FTSJ3: variants seen among roughly 807,000 people sequenced by gnomAD.
FTSJ3 encodes pre-rRNA 2'-O-ribose RNA methyltransferase FTSJ3.
A neutral mutation model predicts 111.5 loss-of-function variants in FTSJ3; 46 were observed. That is an observed-to-expected ratio of 0.41 (90% CI 0.33 to 0.53). The LOEUF is 0.53. Ranked by LOEUF, FTSJ3 falls within the 20% of genes least tolerant of loss-of-function variation. The pLI is 0.19. For synonymous variants in FTSJ3, 408 were observed against 383.0 expected (o/e 1.07, Z -0.76); for missense variants, 1,075 against 1,063.8 (o/e 1.01, Z -0.15).
At chr17:63,822,312 G>C (rs1440489055) in intron 13 of FTSJ3, 144 bp from the exon 14 acceptor site, 2 of 684,008 alleles carry the variant, frequency 2.9e-6, no homozygotes, top group African/African-American at 3.6e-5. Flanking sequence ...GGAAAGCTCA[G>C]ATCCAGGGTA....
chr17:63,820,763 C>G, intron 18 of FTSJ3, 76 bp downstream of exon 18: 1 of 1,031,554 alleles, frequency 9.7e-7, no homozygotes, highest in South Asian at 1.3e-5. Context: ...GAGCGAGACT[C>G]CATCTCAAAA....
chr17:63,826,687 C>G lies in FTSJ3; in HGVS notation c.68-15G>C, dbSNP rs754678628. ...GGAACGGTAACCTGGACAAAACAAC[C>G]AAGTGCGCAAACTGCTTCACTAGTA... On this transcript the variant is annotated splice_polypyrimidine_tract_variant and intron_variant, in intron 2 of 20. Coordinates refer to ENST00000427159, the MANE Select transcript of FTSJ3 (RefSeq NM_017647.4). 36 of 1,605,366 alleles carry G rather than the reference C, an allele frequency of 2.2e-5. No individual in the cohort carries two copies. Among genetic ancestry groups the G allele is most frequent in the Non-Finnish European group, 2.7e-5 (32 of 1,172,434 alleles).
At chr17:63,820,814 CTT>C (rs1263428452) in intron 18 of FTSJ3, 23 bp downstream of exon 18, 1 of 1,557,774 alleles carries the variant, frequency 6.4e-7, no homozygotes, top group Non-Finnish European at 8.9e-7. Flanking sequence ...CTGGGTCACT[CTT>C]GATGAGTTTA....
In FTSJ3 at chr17:63,822,055, A is replaced by G. The variant is rs2040056949; in HGVS notation, c.1404T>C (p.Ser468=). Residue 468 remains serine (S), a synonymous_variant, in exon 14 of 21, where the codon TCT becomes TCC. Coordinates refer to ENST00000427159, the MANE Select transcript of FTSJ3 (RefSeq NM_017647.4). ...SDVEDDGDDT[S]LDSDLDPEEL... is the part of the protein sequence containing the mutation. ...CCTCTGGATCCAGGTCACTATCCAG[A>G]GATGTGTCATCACCGTCGTCCTCAA... 5 of 1,614,062 alleles carry G rather than the reference A, an allele frequency of 3.1e-6. No homozygotes were observed. The highest frequency in any genetic ancestry group is 4.2e-6 in the Non-Finnish European group (5 of 1,180,048).
At position 63,825,529 on chromosome 17, in the gene FTSJ3, C is replaced by T; in HGVS notation, c.400+7G>A. 1 of 1,613,686 alleles carries T rather than the reference C, an allele frequency of 6.2e-7. No homozygotes were observed. Among genetic ancestry groups the T allele is most frequent in the Non-Finnish European group, 8.5e-7 (1 of 1,179,578 alleles). ...CACCTGATCTCCAAGCACCACACTC[C>T]CTGTACCTTGTGAGTAAGCATCATG... On this transcript the variant is annotated splice_region_variant and intron_variant, in intron 6 of 20. Transcript: ENST00000427159.
At position 63,820,115 on chromosome 17, in the gene FTSJ3, T is replaced by C; in HGVS notation, c.2315A>G (p.Asp772Gly). The change falls in exon 20 of 21, where the codon GAC becomes GGC. Residue 772 changes from aspartate (D) to glycine (G), a missense_variant. Physicochemically the swap from Asp to Gly is moderately conservative, Grantham distance 94. Around this residue, in one of 2 missense-constraint regions of FTSJ3, gnomAD observed 867 missense variants for 796.9 expected, o/e 1.09. Coordinates refer to ENST00000427159, the MANE Select transcript of FTSJ3 (RefSeq NM_017647.4). ...TGCCACTTTCTCTCGTTCTGAGATG[T>C]CCACTGTGTTCACCACGGCTTCTGC... ...KKAEAVVNTV[D>G]ISEREKVAQL... 2 of 1,614,160 alleles carry C rather than the reference T, an allele frequency of 1.2e-6. No homozygotes were observed. Among genetic ancestry groups the C allele is most frequent in the Non-Finnish European group, 1.7e-6 (2 of 1,180,036 alleles).
chr17:63,823,824 C>G lies in FTSJ3; in HGVS notation c.1283G>C (p.Gly428Ala). 6.2e-7 allele frequency: 1 copy of G among 1,614,050 alleles called. No homozygotes were observed. The highest frequency in any genetic ancestry group is 1.1e-5 in the South Asian group (1 of 91,078). Residue 428 changes from glycine to alanine, a missense_variant, in exon 13 of 21, where the codon GGT (glycine) becomes GCT (alanine). Gly to Ala is a moderately conservative substitution (Grantham distance 60). Coordinates refer to ENST00000427159, the MANE Select transcript of FTSJ3 (RefSeq NM_017647.4). ...CCCCCAATGCCGCCTCACCTGGTGA[C>G]CCCGGATGGTGCTCAAGGAGAACAT... is the stretch of plus-strand genomic sequence containing the variant. ...TGMFSLSTIR[G>A]HQLLEEVTQG...
In FTSJ3 at chr17:63,824,163, C is replaced by T. The variant is rs1277106918; in HGVS notation, c.1075G>A (p.Glu359Lys). 1 of 1,614,040 alleles carries T rather than the reference C, an allele frequency of 6.2e-7. No homozygotes were observed. The highest frequency in any genetic ancestry group is 1.7e-5 in the Admixed American group (1 of 59,992). ...TGTTCCTCCTCCTCCTCTTCCTCCT[C>T]CTCCTTAGAGGGCTGCTTTGTGGTT... Reference protein sequence around the residue: ...AGTTKQPSKEEEEEEEEEQLN... With the variant: ...AGTTKQPSKEKEEEEEEEQLN... Residue 359 changes from glutamate (E) to lysine (K), a missense_variant, in exon 12 of 21, where the codon GAG (glutamate) becomes AAG (lysine). Physicochemically the swap from Glu to Lys is moderately conservative, Grantham distance 56. Transcript: ENST00000427159.
rs763147438 is a variant in FTSJ3, at chr17:63,819,766, A to C, written c.*36T>G. ...TGAGCCATGCCACACCCTTCCTCCTAGTCCCCATGCTCTCCTGGGAGCCTG... is the reference window on the plus strand; with the variant it reads ...TGAGCCATGCCACACCCTTCCTCCTCGTCCCCATGCTCTCCTGGGAGCCTG... On this transcript the variant is annotated 3_prime_UTR_variant, in exon 21 of 21. Transcript: ENST00000427159. 3.8e-6 allele frequency: 6 copies of C among 1,577,866 alleles called. No individual in the cohort carries two copies. The East Asian group carries it at 1.1e-4, about 29-fold the overall frequency.
intron 18 of FTSJ3, among the ~76,000 whole-genome samples, 196 bp from the exon 19 acceptor site, chr17:63,820,634 C>T (rs1254400725): frequency 1.3e-5 from 2 of 152,122 alleles, no homozygotes; most frequent in Non-Finnish European, 2.9e-5. Flanking sequence ...CAAAAATTAG[C>T]TGGGCGTGGT....
chr17:63,822,323 G>C, intron 13 of FTSJ3, 155 bp from the exon 14 acceptor site: 1 of 630,054 alleles, frequency 1.6e-6, no homozygotes, highest in East Asian at 2.9e-5. Context: ...ATCCAGGGTA[G>C]TGAATGGCCT....
At position 63,826,635 on chromosome 17, in the gene FTSJ3, G is replaced by A. The variant is rs2040107675; in HGVS notation, c.105C>T (p.Leu35=). ...TCTGCAGGAACTGAAAGCGGCGATT[G>A]AGCTGGATCAGCTTGAAAGCAGATC... ...RSRSAFKLIQ[L]NRRFQFLQKA... The change falls in exon 3 of 21, where the codon CTC becomes CTT. Residue 35 remains leucine, a synonymous_variant. Coordinates refer to ENST00000427159, the MANE Select transcript of FTSJ3 (RefSeq NM_017647.4). 3 of 1,614,140 alleles carry A rather than the reference G, an allele frequency of 1.9e-6. No homozygotes were observed. The highest frequency in any genetic ancestry group is 1.6e-4 in the Middle Eastern group (1 of 6,062).
chr17:63,821,636 AAGCTGCCCTGTGATAGGAGAACATC>A lies in FTSJ3; in HGVS notation c.1597-18_1603del. On this transcript the variant is annotated splice_acceptor_variant and splice_polypyrimidine_tract_variant and coding_sequence_variant and intron_variant, in exon 16 of 21. Coordinates refer to ENST00000427159, the MANE Select transcript of FTSJ3 (RefSeq NM_017647.4). LOFTEE classifies it high-confidence loss of function. ...ATCGGCATCGTCCTCGATCCCAGCA[AAGCTGCCCTGTGATAGGAGAACATC>A]AGCTGCCCTTCTCCCAAGGAAGACT... The A allele has an allele frequency of 6.2e-7, 1 of 1,613,468 alleles. No homozygotes were observed. Among genetic ancestry groups the A allele is most frequent in the Non-Finnish European group, 8.5e-7 (1 of 1,179,432 alleles).
In FTSJ3 at chr17:63,825,717, G is replaced by A. The variant is rs5002719; in HGVS notation, c.301-82C>T. The A allele has an allele frequency of 3.5e-3, 4,571 of 1,295,966 alleles. 112 individuals are homozygous for A. In the African/African-American group the frequency reaches 0.058, roughly 17 times the overall value. 80.3% of individuals were successfully genotyped at this position (1,295,966 alleles called of 1,614,324 possible). A position where few individuals can be genotyped will look rare whatever the true frequency, so the allele number is the denominator to read the frequency against. Reference sequence around the variant, plus strand: ...CCATTTGTCCATCTAGTCATTTGCTGAGTGCCCATCATGGGCCAAATGCAG... The same window carrying A: ...CCATTTGTCCATCTAGTCATTTGCTAAGTGCCCATCATGGGCCAAATGCAG... On this transcript the variant is annotated intron_variant, in intron 5 of 20. Coordinates refer to ENST00000427159, the MANE Select transcript of FTSJ3 (RefSeq NM_017647.4).
chr17:63,822,114 C>T lies in FTSJ3; in HGVS notation c.1345G>A (p.Asp449Asn), dbSNP rs550844629. The T allele has an allele frequency of 8.7e-6, 14 of 1,614,036 alleles. No homozygotes were observed. The highest frequency in any genetic ancestry group is 4.0e-5 in the African/African-American group (3 of 74,926). Residue 449 changes from aspartate (D) to asparagine (N), a missense_variant, in exon 14 of 21, where the codon GAT (aspartate) becomes AAT (asparagine). By Grantham distance (23) the Asp-to-Asn change is conservative. Transcript: ENST00000427159. ...DMSAADTFLS[D>N]LPRDDIYVSD... Reference sequence around the variant, plus strand: ...ACATAGATATCATCCCTTGGCAGATCGGACAGAAATGTGTCTGCTGCACTC... The same window carrying T: ...ACATAGATATCATCCCTTGGCAGATTGGACAGAAATGTGTCTGCTGCACTC...
At chr17:63,826,505 C>T (rs1193496061) in intron 3 of FTSJ3, 62 bp downstream of exon 3, 1 of 1,403,466 alleles carries the variant, frequency 7.1e-7, no homozygotes. Flanking sequence ...AAACTGGAAG[C>T]CATCCCAGCT....
intron 13 of FTSJ3, among the ~76,000 whole-genome samples, chr17:63,822,991 C>G (rs1283488646): frequency 6.6e-6 from 1 of 152,162 alleles, no homozygotes; most frequent in Non-Finnish European, 1.5e-5. Context: ...GGAAGGAAAC[C>G]TGAGCCTGTG....
In FTSJ3 at chr17:63,826,825, T is replaced by C. The variant is rs2040110753; in HGVS notation, c.67+11A>G. ...CTCGCTCGCTCGCAGACTGAGCGAA[T>C]CCGGACTCACCCGTCTCCTTCGCCA... On this transcript the variant is annotated intron_variant, in intron 2 of 20. Coordinates refer to ENST00000427159, the MANE Select transcript of FTSJ3 (RefSeq NM_017647.4). 6.2e-7 allele frequency: 1 copy of C among 1,613,674 alleles called. No homozygotes were observed. Among genetic ancestry groups the C allele is most frequent in the Non-Finnish European group, 8.5e-7 (1 of 1,179,724 alleles).
In FTSJ3 at chr17:63,820,952, G is replaced by A. The variant is rs770165747; in HGVS notation, c.1973-14C>T. ...TCCGATGTTTCGCTAGAGAGGGAAG[G>A]AGAAAGGTCAAAGCTCAATTCCCAA... On this transcript the variant is annotated splice_polypyrimidine_tract_variant and intron_variant, in intron 17 of 20. Coordinates refer to ENST00000427159, the MANE Select transcript of FTSJ3 (RefSeq NM_017647.4). The A allele has an allele frequency of 4.3e-6, 7 of 1,612,812 alleles. No individual in the cohort carries two copies. In the Admixed American group the frequency reaches 1.0e-4, roughly 23 times the overall value.
Sources: allele counts gnomAD v4.1 joint callset (sites outside exome capture counted in the v4.1 genomes callset), GRCh38; gene constraint gnomAD v4.1.1; regional missense constraint gnomAD v4.1.1; transcripts MANE v1.5; gene names NCBI Gene and HGNC (gene_info 2026-07-23, HGNC 2026-07-21).